EPHA6: variants seen among roughly 807,000 people sequenced by gnomAD.
EPHA6 encodes ephrin type-A receptor 6.
Under a neutral mutation model 112.0 loss-of-function variants are expected in EPHA6, and 50 were observed. The ratio of observed to expected loss-of-function variants is 0.45; its 90% CI spans 0.36 to 0.56. EPHA6 has a LOEUF of 0.56. Ranked by LOEUF, EPHA6 falls within the 20% of genes least tolerant of loss-of-function variation. The pLI is 0.00. For synonymous variants in EPHA6, 529 were observed against 490.7 expected, an observed-to-expected ratio of 1.08 and a Z score of -1.03; for missense variants, 1,280 against 1,417.4, an observed-to-expected ratio of 0.90 and a Z score of 1.56.
At chr3:97,258,705 T>G (rs977003768) in intron 5 of EPHA6, among the ~76,000 whole-genome samples, 1 of 152,166 alleles carries the variant, frequency 6.6e-6, no homozygotes, top group South Asian at 2.1e-4. Flanking sequence ...TGATCAACTC[T>G]GTGTTCTAGT....
At position 97,631,275 on chromosome 3, in the gene EPHA6, A is replaced by G. The variant is rs377701475; in HGVS notation, c.2575-6598A>G. Among the ~76,000 whole-genome samples the G allele has an allele frequency of 9.2e-5, 14 of 152,056 alleles. No individual in the cohort carries two copies. In the East Asian group the frequency reaches 2.1e-3, roughly 23 times the overall value. The stretch of plus-strand genomic sequence containing the variant: ...CAGAGATGCCCATCTTTTGTCTCTT[A>G]TGAACCCTTTGCATTTCTGACATCC... On this transcript the variant is annotated intron_variant, in intron 13 of 17. Coordinates refer to ENST00000389672, the MANE Select transcript of EPHA6 (RefSeq NM_001080448.3).
intron 5 of EPHA6, among the ~76,000 whole-genome samples, chr3:97,392,574 T>C (rs1288664999): frequency 6.6e-6 from 1 of 151,814 alleles, no homozygotes; most frequent in African/African-American, 2.4e-5. Flanking sequence ...TTTGTATGCC[T>C]ATATATACAT....
At chr3:97,211,008 T>C (rs2077858397) in intron 3 of EPHA6, among the ~76,000 whole-genome samples, 1 of 152,206 alleles carries the variant, frequency 6.6e-6, no homozygotes, top group South Asian at 2.1e-4. Context: ...TCCTGCCACA[T>C]GGGTAGTTTC....
At chr3:97,718,350 G>A (rs187706923) in intron 14 of EPHA6, among the ~76,000 whole-genome samples, 1 of 152,270 alleles carries the variant, frequency 6.6e-6, no homozygotes, top group East Asian at 1.9e-4. Flanking sequence ...CACTTGCAGT[G>A]TTCTCATTTC....
intron 1 of EPHA6, among the ~76,000 whole-genome samples, chr3:96,854,945 G>A (rs1430848127): frequency 6.6e-6 from 1 of 152,132 alleles, no homozygotes; most frequent in Non-Finnish European, 1.5e-5. Context: ...CAGTTTTGTA[G>A]GCTAGAGGTC....
At chr3:97,238,991 A>G (rs1195495745) in intron 4 of EPHA6, among the ~76,000 whole-genome samples, 5 of 151,974 alleles carry the variant, frequency 3.3e-5, no homozygotes, top group African/African-American at 1.2e-4. Context: ...AACTTCTAAA[A>G]GTTAACTAAA....
intron 5 of EPHA6, among the ~76,000 whole-genome samples, chr3:97,334,281 A>G (rs1279691605): frequency 6.6e-6 from 1 of 151,940 alleles, no homozygotes; most frequent in Non-Finnish European, 1.5e-5. Context: ...ATTTTGTATT[A>G]GGGTAATGCT....
rs1468121564 is a variant in EPHA6 at position 96,979,749 on chromosome 3, G to A, written c.451-7581G>A. Among the ~76,000 whole-genome samples the A allele has an allele frequency of 5.3e-5, 8 of 152,154 alleles. No homozygotes were observed. In the South Asian group the frequency reaches 8.3e-4, roughly 16 times the overall value. ...CTTTTTAATGATTGCCATTCTAACTGGTGTGAGATGGTATCTCATTGTGGT... is the reference window on the plus strand; with the variant it reads ...CTTTTTAATGATTGCCATTCTAACTAGTGTGAGATGGTATCTCATTGTGGT... On this transcript the variant is annotated intron_variant, in intron 2 of 17. Transcript: ENST00000389672.
intron 2 of EPHA6, among the ~76,000 whole-genome samples, chr3:96,926,488 C>T (rs2040042101): frequency 6.6e-6 from 1 of 152,152 alleles, no homozygotes; most frequent in Non-Finnish European, 1.5e-5. Context: ...TCAGCATTAA[C>T]CTAAATGTCC....
chr3:97,138,728 C>G (rs2075823509), intron 3 of EPHA6, among the ~76,000 whole-genome samples: 1 of 152,166 alleles, frequency 6.6e-6, no homozygotes, highest in Non-Finnish European at 1.5e-5. Context: ...GGTGTGGGTC[C>G]CTGTTGTGGC....
chr3:97,165,692 G>A (rs924283918), intron 3 of EPHA6, among the ~76,000 whole-genome samples: 1 of 152,138 alleles, frequency 6.6e-6, no homozygotes, highest in African/African-American at 2.4e-5. Flanking sequence ...TCTGCAGAAG[G>A]AAATAAAGAT....
At chr3:96,828,035 C>T (rs2033780712) in intron 1 of EPHA6, among the ~76,000 whole-genome samples, 2 of 152,012 alleles carry the variant, frequency 1.3e-5, no homozygotes, top group South Asian at 4.1e-4. Flanking sequence ...TTCATCCCAA[C>T]ATCTTTACTT....
At chr3:96,828,676 T>G (rs1459493121) in intron 1 of EPHA6, among the ~76,000 whole-genome samples, 1 of 152,164 alleles carries the variant, frequency 6.6e-6, no homozygotes, top group Non-Finnish European at 1.5e-5. Flanking sequence ...GTGAAAGAGA[T>G]AGGCTGTGTC....
intron 13 of EPHA6, among the ~76,000 whole-genome samples, chr3:97,622,769 G>T (rs1271989864): frequency 6.6e-6 from 1 of 151,662 alleles, no homozygotes; most frequent in Non-Finnish European, 1.5e-5. Flanking sequence ...TGATGTTTTT[G>T]TTTGTTTTAT....
intron 5 of EPHA6, among the ~76,000 whole-genome samples, chr3:97,284,631 T>C (rs2080403194): frequency 1.3e-5 from 2 of 152,270 alleles, no homozygotes; most frequent in South Asian, 2.1e-4. Flanking sequence ...ATTTCTAAAG[T>C]GCCAGTTCAG....
At position 97,552,220 on chromosome 3, in the gene EPHA6, A is replaced by G. The variant is rs371515847; in HGVS notation, c.2386+19677A>G. ...ATGATGAAAGTTTTAATTACATAAC[A>G]TGTAAATGTACTATTTTTATAAGAT... On this transcript the variant is annotated intron_variant, in intron 11 of 17. Coordinates refer to ENST00000389672, the MANE Select transcript of EPHA6 (RefSeq NM_001080448.3). Among the ~76,000 whole-genome samples the G allele has an allele frequency of 1.5e-3, 233 of 152,330 alleles. 2 individuals carry two copies. Among genetic ancestry groups the G allele is most frequent in the African/African-American group, 5.1e-3 (214 of 41,582 alleles).
intron 2 of EPHA6, among the ~76,000 whole-genome samples, chr3:96,977,813 T>C (rs1161762823): frequency 1.3e-5 from 2 of 152,174 alleles, no homozygotes. Flanking sequence ...TTCTATGTTA[T>C]ATATTACACA....
At chr3:97,377,495 A>T (rs1172477625) in intron 5 of EPHA6, among the ~76,000 whole-genome samples, 1 of 152,136 alleles carries the variant, frequency 6.6e-6, no homozygotes. Context: ...GATACCTGAA[A>T]ATGTGGAAGT....
intron 14 of EPHA6, chr3:97,648,659 T>G: frequency 9.4e-7 from 1 of 1,068,188 alleles, no homozygotes; most frequent in Admixed American, 5.3e-5. Context: ...TAAAACATAC[T>G]CAGAACTTTC....
Sources: gnomAD v4.1 joint callset for allele counts (sites outside exome capture counted in the v4.1 genomes callset) on GRCh38, gnomAD v4.1.1 for gene constraint, MANE v1.5 for transcripts, NCBI Gene and HGNC (gene_info 2026-07-23, HGNC 2026-07-21) for gene names.